Variants in HEMK2 observed in about 807,000 individuals in gnomAD.
The protein encoded by HEMK2 is methyltransferase HEMK2.
the HEMK2 span, among the ~76,000 whole-genome samples, chr21:28,791,424 T>C: frequency 6.6e-6 from 1 of 152,168 alleles, no homozygotes; most frequent in Non-Finnish European, 1.5e-5. Flanking sequence ...CACTGTGTTT[T>C]CAACTGGGAG....
the HEMK2 span, among the ~76,000 whole-genome samples, chr21:28,775,454 TA>T: frequency 6.6e-6 from 1 of 152,094 alleles, no homozygotes; most frequent in Non-Finnish European, 1.5e-5. Context: ...TGTGTGTACA[TA>T]AAATATTGAA....
the HEMK2 span, among the ~76,000 whole-genome samples, chr21:28,779,110 T>A: frequency 2.0e-5 from 3 of 152,328 alleles, no homozygotes; most frequent in African/African-American, 4.8e-5. Flanking sequence ...CACTTCTGGA[T>A]AGATGTTCAA....
the HEMK2 span, among the ~76,000 whole-genome samples, chr21:28,727,251 C>A: frequency 6.6e-6 from 1 of 152,200 alleles, no homozygotes; most frequent in Non-Finnish European, 1.5e-5. Flanking sequence ...GAAGGAGATG[C>A]ATCCCCAGGA....
the HEMK2 span, among the ~76,000 whole-genome samples, chr21:28,782,501 C>T: frequency 6.6e-6 from 1 of 152,128 alleles, no homozygotes; most frequent in Non-Finnish European, 1.5e-5. Context: ...CCTTCACTAA[C>T]CCACAAATTA....
At chr21:28,870,082 C>T in the HEMK2 span, among the ~76,000 whole-genome samples, 1 of 152,106 alleles carries the variant, frequency 6.6e-6, no homozygotes, top group African/African-American at 2.4e-5. Flanking sequence ...TTTTTGTTTG[C>T]TTTGTTTTGG....
chr21:28,604,188 T>C, the HEMK2 span, among the ~76,000 whole-genome samples: 1 of 152,156 alleles, frequency 6.6e-6, no homozygotes, highest in East Asian at 1.9e-4. Context: ...CTGCTTCATA[T>C]AGAACTGGAT....
the HEMK2 span, among the ~76,000 whole-genome samples, chr21:28,716,573 G>A: frequency 2.6e-5 from 4 of 152,074 alleles, no homozygotes; most frequent in Admixed American, 6.6e-5. Flanking sequence ...ATCATATCAT[G>A]AGCAAACAAT....
chr21:28,578,081 C>T, the HEMK2 span, among the ~76,000 whole-genome samples: 1 of 152,204 alleles, frequency 6.6e-6, no homozygotes, highest in Non-Finnish European at 1.5e-5. Context: ...GCTGTCATTG[C>T]TATATCCTAT....
At chr21:28,864,871 AT>A in the HEMK2 span, among the ~76,000 whole-genome samples, 206 of 94,032 alleles carry the variant, frequency 2.2e-3, no homozygotes, top group African/African-American at 6.7e-3. Flanking sequence ...AGATAGATGG[AT>A]GATAGGTAGA....
the HEMK2 span, among the ~76,000 whole-genome samples, chr21:28,815,145 C>T: frequency 1.4e-4 from 21 of 150,156 alleles, no homozygotes; most frequent in African/African-American, 4.4e-4. Context: ...AAACCACACA[C>T]CGCATGTTCT....
the HEMK2 span, among the ~76,000 whole-genome samples, chr21:28,777,826 A>G: frequency 2.0e-5 from 3 of 152,238 alleles, no homozygotes; most frequent in Non-Finnish European, 4.4e-5. Context: ...TTTATTAAAC[A>G]AAGTTAATGG....
At chr21:28,665,910 C>T in the HEMK2 span, among the ~76,000 whole-genome samples, 22 of 152,182 alleles carry the variant, frequency 1.4e-4, no homozygotes, top group African/African-American at 5.1e-4. Context: ...TTGGGTACTT[C>T]ATTGTCCATT....
At chr21:28,669,431 T>C in the HEMK2 span, among the ~76,000 whole-genome samples, 7 of 152,292 alleles carry the variant, frequency 4.6e-5, no homozygotes, top group South Asian at 1.0e-3. Context: ...TGTTTTCATA[T>C]CTTTGCCATT....
the HEMK2 span, among the ~76,000 whole-genome samples, chr21:28,779,296 G>A: frequency 6.6e-3 from 1,003 of 152,292 alleles, 5 homozygotes; most frequent in African/African-American, 0.023. Context: ...TAAAAATAAG[G>A]AAATTCTGTC....
At chr21:28,661,563 A>AAT in the HEMK2 span, among the ~76,000 whole-genome samples, 1,211 of 149,974 alleles carry the variant, frequency 8.1e-3, 11 homozygotes, top group African/African-American at 0.025. Flanking sequence ...TATGTATGCA[A>AAT]ATATATATAT....
chr21:28,665,712 T>G, the HEMK2 span, among the ~76,000 whole-genome samples: 3 of 151,320 alleles, frequency 2.0e-5, no homozygotes, highest in Non-Finnish European at 2.9e-5. Flanking sequence ...GAAATACCAT[T>G]TGACCCAGCC....
chr21:28,761,798 GC>G, the HEMK2 span, among the ~76,000 whole-genome samples: 3 of 152,068 alleles, frequency 2.0e-5, no homozygotes, highest in African/African-American at 7.2e-5. Flanking sequence ...AAATGATGAG[GC>G]ATCAAGAAGA....
At chr21:28,665,040 G>A in the HEMK2 span, among the ~76,000 whole-genome samples, 1 of 151,978 alleles carries the variant, frequency 6.6e-6, no homozygotes, top group Non-Finnish European at 1.5e-5. Context: ...CACTTTGGGA[G>A]GCCAAGGCAG....
At chr21:28,589,437 T>G in the HEMK2 span, among the ~76,000 whole-genome samples, 1 of 152,210 alleles carries the variant, frequency 6.6e-6, no homozygotes, top group South Asian at 2.1e-4. Context: ...CAAAGTAACT[T>G]TGGAAATGAG....
Sources: gnomAD v4.1 joint callset for allele counts (sites outside exome capture counted in the v4.1 genomes callset) on GRCh38, gnomAD v4.1.1 for gene constraint, MANE v1.5 for transcripts, NCBI Gene and HGNC (gene_info 2026-07-23, HGNC 2026-07-21) for gene names.